Variants in TMEM132C observed in about 807,000 individuals in gnomAD.
TMEM132C encodes transmembrane protein 132C, also known as protein phosphatase 1, regulatory subunit 152.
TMEM132C carries 29 observed loss-of-function variants against 61.4 expected under a neutral mutation model. That is an observed-to-expected ratio of 0.47 (90% CI 0.35 to 0.64). The LOEUF is 0.64. Ranked by LOEUF, TMEM132C falls within the 30% of genes least tolerant of loss-of-function variation. The probability of loss-of-function intolerance (pLI) is 0.00; values close to 1 mark genes in which losing one functional copy is unlikely to be tolerated. For synonymous variants in TMEM132C, 656 were observed against 633.1 expected (o/e 1.04, Z -0.54); for missense variants, 1,408 against 1,476.9 (o/e 0.95, Z 0.76).
At chr12:128,309,042 G>A (rs1284326629) in intron 1 of TMEM132C, among the ~76,000 whole-genome samples, 1 of 151,756 alleles carries the variant, frequency 6.6e-6, no homozygotes, top group Non-Finnish European at 1.5e-5. Context: ...AAGTAGAGGA[G>A]ACAATTTGGG....
At chr12:128,559,324 A>G (rs978951877) in intron 3 of TMEM132C, among the ~76,000 whole-genome samples, 3 of 152,184 alleles carry the variant, frequency 2.0e-5, no homozygotes, top group African/African-American at 7.2e-5. Context: ...CATATAGTGT[A>G]AATTATATAA....
At position 128,563,568 on chromosome 12, in the gene TMEM132C, G is replaced by A. The variant is rs146027222; in HGVS notation, c.1121+19465G>A. Among the ~76,000 whole-genome samples the A allele has an allele frequency of 9.2e-5, 14 of 152,286 alleles. No homozygotes were observed. In the South Asian group the frequency reaches 1.5e-3, roughly 16 times the overall value. On this transcript the variant is annotated intron_variant, in intron 3 of 8. Coordinates refer to ENST00000435159, the MANE Select transcript of TMEM132C (RefSeq NM_001136103.3). ...TACAATCATCTAATGTCCCCCATTA[G>A]TAGAGCTGCTGCTGTTATCCTAGCA...
intron 2 of TMEM132C, among the ~76,000 whole-genome samples, chr12:128,527,183 G>A (rs935749868): frequency 6.6e-6 from 1 of 152,164 alleles, no homozygotes; most frequent in Non-Finnish European, 1.5e-5. Flanking sequence ...ATGGATGGTC[G>A]CTGTGTCCAG....
chr12:128,615,320 T>C (rs1236076650), intron 3 of TMEM132C, among the ~76,000 whole-genome samples: 1 of 152,166 alleles, frequency 6.6e-6, no homozygotes, highest in Non-Finnish European at 1.5e-5. Context: ...TTTGGGATGA[T>C]TCAAGTACAT....
intron 1 of TMEM132C, among the ~76,000 whole-genome samples, chr12:128,351,504 G>A (rs1873336181): frequency 6.6e-6 from 1 of 152,142 alleles, no homozygotes; most frequent in Admixed American, 6.5e-5. Flanking sequence ...AAGTACCTGA[G>A]GCTGGGTAAT....
At chr12:128,347,398 T>C (rs1395615637) in intron 1 of TMEM132C, among the ~76,000 whole-genome samples, 11 of 2,966 alleles carry the variant, frequency 3.7e-3, no homozygotes, top group African/African-American at 4.2e-3. Flanking sequence ...CATATGTATG[T>C]CTCTCTCTCT....
intron 1 of TMEM132C, among the ~76,000 whole-genome samples, chr12:128,310,110 T>A (rs2135926121): frequency 6.6e-6 from 1 of 152,354 alleles, no homozygotes; most frequent in East Asian, 1.9e-4. Context: ...TATGCAAACC[T>A]TTGACTAATC....
intron 2 of TMEM132C, among the ~76,000 whole-genome samples, chr12:128,533,898 C>A (rs1302843916): frequency 1.3e-5 from 2 of 151,844 alleles, no homozygotes; most frequent in Non-Finnish European, 2.9e-5. Flanking sequence ...GCCCTCCCAT[C>A]CGTGCACACA....
At chr12:128,504,156 A>G (rs978234802) in intron 2 of TMEM132C, among the ~76,000 whole-genome samples, 1 of 152,160 alleles carries the variant, frequency 6.6e-6, no homozygotes, top group African/African-American at 2.4e-5. Context: ...CAAGCTGTTC[A>G]TGTGACAGCT....
intron 4 of TMEM132C, among the ~76,000 whole-genome samples, chr12:128,649,892 G>A (rs1398236245): frequency 1.3e-5 from 2 of 152,208 alleles, no homozygotes; most frequent in African/African-American, 4.8e-5. Context: ...CAAATTGACA[G>A]ATAAGTAAAG....
intron 1 of TMEM132C, among the ~76,000 whole-genome samples, chr12:128,410,138 G>A (rs1209616805): frequency 6.6e-6 from 1 of 152,008 alleles, no homozygotes; most frequent in African/African-American, 2.4e-5. Context: ...AGACCAAGAT[G>A]TCTTGCTTAC....
At chr12:128,334,785 A>C (rs1872753082) in intron 1 of TMEM132C, among the ~76,000 whole-genome samples, 1 of 152,006 alleles carries the variant, frequency 6.6e-6, no homozygotes, top group Admixed American at 6.5e-5. Flanking sequence ...TTTAGTAGAG[A>C]CGGGATTTCA....
chr12:128,665,911 GCA>G (rs59866048), intron 4 of TMEM132C, among the ~76,000 whole-genome samples: 16 of 104,776 alleles, frequency 1.5e-4, no homozygotes, highest in East Asian at 3.0e-4. Context: ...ACATTCACAG[GCA>G]CACACACATT....
At chr12:128,542,369 G>A (rs1488111567) in intron 2 of TMEM132C, among the ~76,000 whole-genome samples, 1 of 152,056 alleles carries the variant, frequency 6.6e-6, no homozygotes, top group Non-Finnish European at 1.5e-5. Context: ...GCAGTGGCAC[G>A]ATCTCAGCTC....
intron 1 of TMEM132C, among the ~76,000 whole-genome samples, chr12:128,386,982 A>G (rs779836038): frequency 8.6e-5 from 13 of 152,026 alleles, no homozygotes; most frequent in Non-Finnish European, 1.5e-4. Context: ...ATAAAAATAC[A>G]TTAAAAAATT....
intron 5 of TMEM132C, among the ~76,000 whole-genome samples, chr12:128,680,690 G>A (rs1044120138): frequency 4.6e-5 from 7 of 152,162 alleles, no homozygotes; most frequent in Admixed American, 1.3e-4. Context: ...CCACACATTC[G>A]TTCCTAGGAA....
intron 5 of TMEM132C, among the ~76,000 whole-genome samples, chr12:128,676,796 T>C (rs533072266): frequency 2.4e-4 from 37 of 152,370 alleles, no homozygotes; most frequent in African/African-American, 7.2e-4. Context: ...TTCTCTCACC[T>C]TACAATGCAT....
intron 3 of TMEM132C, among the ~76,000 whole-genome samples, chr12:128,549,391 A>G (rs1284701010): frequency 6.6e-6 from 1 of 152,106 alleles, no homozygotes; most frequent in Non-Finnish European, 1.5e-5. Context: ...TGCTGCACTC[A>G]GTAAAGCCAC....
intron 2 of TMEM132C, among the ~76,000 whole-genome samples, chr12:128,502,805 C>G (rs1032746604): frequency 6.6e-6 from 1 of 152,202 alleles, no homozygotes; most frequent in Admixed American, 6.5e-5. Flanking sequence ...ATGTGCCTAC[C>G]CTAAGACCCT....
Sources: allele counts gnomAD v4.1 joint callset (sites outside exome capture counted in the v4.1 genomes callset), GRCh38; gene constraint gnomAD v4.1.1; transcripts MANE v1.5; gene names NCBI Gene and HGNC (gene_info 2026-07-23, HGNC 2026-07-21).